The following L3MBTL3 variants were observed in gnomAD, a reference collection of about 807,000 sequenced individuals.
L3MBTL3 encodes lethal(3)malignant brain tumor-like protein 3.
Under a neutral mutation model 102.3 loss-of-function variants are expected in L3MBTL3, and 27 were observed. That is an observed-to-expected ratio of 0.26 (90% CI 0.19 to 0.36). The LOEUF (loss-of-function observed/expected upper bound fraction) is 0.36, where lower values mean the gene tolerates loss of function less well. Among genes scored for constraint, L3MBTL3 ranks in the 10% least tolerant of loss-of-function variants. The pLI, the probability that L3MBTL3 is intolerant of heterozygous loss-of-function variation, is 1.00. For synonymous variants in L3MBTL3, 340 were observed against 320.9 expected (o/e 1.06, Z -0.64); for missense variants, 798 against 955.3 (o/e 0.84, Z 2.17).
intron 3 of L3MBTL3, among the ~76,000 whole-genome samples, chr6:130,043,041 G>A (rs1210992224): frequency 6.6e-6 from 1 of 152,244 alleles, no homozygotes; most frequent in Non-Finnish European, 1.5e-5. Context: ...TGCTTATTTC[G>A]CAGAAATTGA....
chr6:130,028,802 C>A (rs1243483743), intron 2 of L3MBTL3, among the ~76,000 whole-genome samples: 2 of 152,190 alleles, frequency 1.3e-5, no homozygotes, highest in African/African-American at 4.8e-5. Flanking sequence ...TTGAATTTAA[C>A]TTCTTTTGAT....
chr6:130,049,692 T>C, intron 4 of L3MBTL3, 64 bp from the exon 5 acceptor site: 3 of 1,605,910 alleles, frequency 1.9e-6, no homozygotes, highest in Non-Finnish European at 2.6e-6. Context: ...ACTTTTTTTC[T>C]CATCTACTCC....
intron 18 of L3MBTL3, among the ~76,000 whole-genome samples, chr6:130,095,122 G>A (rs768437471): frequency 3.9e-5 from 6 of 152,068 alleles, no homozygotes; most frequent in East Asian, 1.9e-4. Context: ...ACCTATTTAG[G>A]TATGTTTTAA....
chr6:130,039,128 T>G (rs1780250170), intron 2 of L3MBTL3, among the ~76,000 whole-genome samples: 1 of 152,152 alleles, frequency 6.6e-6, no homozygotes, highest in Admixed American at 6.5e-5. Flanking sequence ...TGTAGTAGAA[T>G]AAACTATCAT....
intron 19 of L3MBTL3, among the ~76,000 whole-genome samples, chr6:130,107,806 C>G (rs987418808): frequency 2.0e-5 from 3 of 152,138 alleles, no homozygotes; most frequent in Non-Finnish European, 2.9e-5. Flanking sequence ...CAACTAAACT[C>G]TCTTAGGGGT....
chr6:130,124,863 G>A (rs986885685), intron 20 of L3MBTL3, among the ~76,000 whole-genome samples: 1 of 152,002 alleles, frequency 6.6e-6, no homozygotes, highest in South Asian at 2.1e-4. Context: ...CCAGCTACTC[G>A]GGAGGCTGAG....
At chr6:130,097,842 C>CAAAT (rs1784450114) in intron 18 of L3MBTL3, among the ~76,000 whole-genome samples, 1 of 152,050 alleles carries the variant, frequency 6.6e-6, no homozygotes, top group South Asian at 2.1e-4. Flanking sequence ...CCAAGGCAGG[C>CAAAT]AAATCATCTT....
rs1047252514 is a variant in L3MBTL3, at chr6:130,094,635, CTGCAGTAGTTATTT to C, written c.1736+273_1736+286del. ...GACTAGATTTACAAATAGTTAGTTT[CTGCAGTAGTTATTT>C]TGCATTGATCATTAATAATGAGAAG... On this transcript the variant is annotated intron_variant, in intron 18 of 22. Coordinates refer to ENST00000361794, the MANE Select transcript of L3MBTL3 (RefSeq NM_032438.4). Among the ~76,000 whole-genome samples, 42 of 152,130 alleles carry C rather than the reference CTGCAGTAGTTATTT, an allele frequency of 2.8e-4. 1 individual carries two copies. The highest frequency in any genetic ancestry group is 5.0e-4 in the Non-Finnish European group (34 of 67,990).
chr6:130,112,370 C>T (rs1396334407), intron 19 of L3MBTL3, among the ~76,000 whole-genome samples: 1 of 152,164 alleles, frequency 6.6e-6, no homozygotes, highest in African/African-American at 2.4e-5. Context: ...AGCTGTATAA[C>T]ATTTCTGTTC....
rs757057371 is a variant in L3MBTL3 at position 130,104,511 on chromosome 6, A to G, written c.1822A>G (p.Ser608Gly). The G allele has an allele frequency of 2.5e-6, 4 of 1,596,018 alleles. No individual in the cohort carries two copies. The South Asian group carries it at 3.5e-5, about 14-fold the overall frequency. Residue 608 changes from serine to glycine, a missense_variant, in exon 19 of 23, where the codon AGT becomes GGT. Physicochemically the swap from Ser to Gly is moderately conservative, Grantham distance 56 (BLOSUM62 0). Around this residue, in one of 4 missense-constraint regions of L3MBTL3, gnomAD observed 306 missense variants for 314.4 expected, o/e 0.97. Transcript: ENST00000361794. ...DRLSGEMPPA[S>G]PSFPRNKRTD... ...CTTAAGTGGTGAGATGCCTCCGGCT[A>G]GTCCGTCATTTCCAAGAAATAAAAG...
At chr6:130,055,111 A>T in intron 7 of L3MBTL3, 60 bp from the exon 8 acceptor site, 1 of 1,238,834 alleles carries the variant, frequency 8.1e-7, no homozygotes, top group Non-Finnish European at 1.2e-6. Context: ...TAGCTCTCTA[A>T]CTATTCACTG....
intron 1 of L3MBTL3, among the ~76,000 whole-genome samples, chr6:130,019,908 G>GCGTTCGCCCCGCGCCGTGCCGCGC (rs1264812695): frequency 2.8e-5 from 4 of 141,286 alleles, no homozygotes; most frequent in Admixed American, 6.9e-5. Context: ...CGCCGTCGCG[G>GCGTTCGCCCCGCGCCGTGCCGCGC]CGTTCGCCCC....
chr6:130,102,863 A>G (rs1353956137), intron 18 of L3MBTL3, among the ~76,000 whole-genome samples: 1 of 152,156 alleles, frequency 6.6e-6, no homozygotes, highest in Admixed American at 6.5e-5. Context: ...CATGGTGTTT[A>G]TCACCATATG....
At chr6:130,037,342 A>G (rs1390935566) in intron 2 of L3MBTL3, among the ~76,000 whole-genome samples, 11 of 152,192 alleles carry the variant, frequency 7.2e-5, no homozygotes. Context: ...AAAAAACAGT[A>G]AAACTTTTTT....
At chr6:130,041,024 G>C (rs74684380) in intron 2 of L3MBTL3, among the ~76,000 whole-genome samples, 1,580 of 152,280 alleles carry the variant, frequency 0.01, 32 homozygotes, top group African/African-American at 0.034. Context: ...TGCAAATGTC[G>C]ACACAGTGAA....
In L3MBTL3 at chr6:130,107,296, ACTTT is replaced by A. The variant is rs1393670486; in HGVS notation, c.1886+2724_1886+2727del. On this transcript the variant is annotated intron_variant, in intron 19 of 22. Coordinates refer to ENST00000361794, the MANE Select transcript of L3MBTL3 (RefSeq NM_032438.4). ...GAAATGTAAAAGAGCTACAACTTAGACTTTCTAACTATTTATTTAGAGTTTTATA... is the reference window on the plus strand; with the variant it reads ...GAAATGTAAAAGAGCTACAACTTAGACTAACTATTTATTTAGAGTTTTATA... Among the ~76,000 whole-genome samples the A allele has an allele frequency of 2.0e-5, 3 of 152,202 alleles. No individual in the cohort carries two copies. In the East Asian group the frequency reaches 5.8e-4, roughly 29 times the overall value.
chr6:130,141,101 T>C lies in L3MBTL3; in HGVS notation c.*1348T>C, dbSNP rs1788235003. On this transcript the variant is annotated 3_prime_UTR_variant, in exon 23 of 23. Transcript: ENST00000361794. The stretch of plus-strand genomic sequence containing the variant: ...TGTACTTTCTGATTCCAGGATTGGA[T>C]ATTTATTCAAGGACTATTTTAAAAA... 6.6e-6 allele frequency: 1 copy of C among 152,370 alleles called. No homozygotes were observed. The highest frequency in any genetic ancestry group is 2.4e-5 in the African/African-American group (1 of 41,456). The allele number at this position is 152,370 out of a possible 1,614,324, so 9.4% of individuals were successfully genotyped here.
chr6:130,123,826 T>G (rs927892989), intron 20 of L3MBTL3, among the ~76,000 whole-genome samples: 1 of 152,140 alleles, frequency 6.6e-6, no homozygotes, highest in African/African-American at 2.4e-5. Context: ...AAACCAAGGC[T>G]TATAGTATCT....
intron 3 of L3MBTL3, among the ~76,000 whole-genome samples, chr6:130,043,707 A>G (rs1353768435): frequency 6.6e-6 from 1 of 152,106 alleles, no homozygotes; most frequent in East Asian, 1.9e-4. Context: ...TTGCTCCATT[A>G]TTTAGGCCTC....
Sources: allele counts gnomAD v4.1 joint callset (sites outside exome capture counted in the v4.1 genomes callset), GRCh38; gene constraint gnomAD v4.1.1; regional missense constraint gnomAD v4.1.1; transcripts MANE v1.5; gene names NCBI Gene and HGNC (gene_info 2026-07-23, HGNC 2026-07-21).